The following PTPRK variants were observed in gnomAD, a reference collection of about 807,000 sequenced individuals.
The protein encoded by PTPRK is protein tyrosine phosphatase receptor type K, also known as receptor-type tyrosine-protein phosphatase kappa.
PTPRK carries 75 observed loss-of-function variants against 178.0 expected under a neutral mutation model. The observed-to-expected ratio is 0.42, with a 90% CI of 0.35 to 0.51. The LOEUF (loss-of-function observed/expected upper bound fraction) is 0.51. PTPRK is among the 20% of genes least tolerant of loss of function. The pLI, the probability that PTPRK is intolerant of heterozygous loss-of-function variation, is 0.02. For synonymous variants in PTPRK, 637 were observed against 620.6 expected, an observed-to-expected ratio of 1.03 and a Z score of -0.39; for missense variants, 1,441 against 1,797.8, an observed-to-expected ratio of 0.80 and a Z score of 3.59.
chr6:128,182,535 C>G (rs776662065), intron 7 of PTPRK, among the ~76,000 whole-genome samples: 16 of 152,238 alleles, frequency 1.1e-4, no homozygotes, highest in Admixed American at 9.2e-4. Flanking sequence ...GATCACGCCA[C>G]TGCACTCTAG....
At chr6:128,469,460 T>C (rs1850323837) in intron 1 of PTPRK, among the ~76,000 whole-genome samples, 1 of 152,160 alleles carries the variant, frequency 6.6e-6, no homozygotes, top group African/African-American at 2.4e-5. Context: ...GGAGTAGCTT[T>C]AAAGAGATAT....
chr6:128,079,019 A>T, intron 10 of PTPRK, 101 bp from the exon 11 acceptor site: 3 of 658,790 alleles, frequency 4.6e-6, no homozygotes. Flanking sequence ...AAAAAAATTC[A>T]CCTAATTATC....
At chr6:128,371,138 C>A (rs1472378468) in intron 2 of PTPRK, among the ~76,000 whole-genome samples, 1 of 152,156 alleles carries the variant, frequency 6.6e-6, no homozygotes, top group Admixed American at 6.5e-5. Context: ...ACTCTCACCA[C>A]CCAATCAGCA....
At chr6:128,466,283 T>C (rs917503896) in intron 1 of PTPRK, among the ~76,000 whole-genome samples, 1 of 152,200 alleles carries the variant, frequency 6.6e-6, no homozygotes, top group Non-Finnish European at 1.5e-5. Context: ...AAAAACACAC[T>C]GGATATACAA....
Position 128,297,043 on chromosome 6 carries a change from A to G in PTPRK, c.495+24996T>C, listed in dbSNP as rs567430899. Among the ~76,000 whole-genome samples the G allele has an allele frequency of 2.6e-5, 4 of 151,662 alleles. No homozygotes were observed. In the South Asian group the frequency reaches 8.3e-4, roughly 32 times the overall value. ...GGATGGAGGAAGATCTACCAAGCAA[A>G]TGGAAAACAAAAAAAGGCAGGGGTT... On this transcript the variant is annotated intron_variant, in intron 3 of 29. Transcript: ENST00000368226.
At chr6:128,245,230 T>C (rs891261038) in intron 3 of PTPRK, among the ~76,000 whole-genome samples, 14 of 151,958 alleles carry the variant, frequency 9.2e-5, no homozygotes, top group Non-Finnish European at 2.1e-4. Context: ...TGCCTCTAGG[T>C]TGCTTTTGAA....
chr6:128,297,639 A>G (rs535867644), intron 3 of PTPRK, among the ~76,000 whole-genome samples: 4 of 152,298 alleles, frequency 2.6e-5, no homozygotes, highest in South Asian at 2.1e-4. Context: ...GGTACATAAC[A>G]AAATGAAGGC....
At chr6:128,111,678 C>G (rs1790694630) in intron 7 of PTPRK, among the ~76,000 whole-genome samples, 1 of 151,030 alleles carries the variant, frequency 6.6e-6, no homozygotes, top group Non-Finnish European at 1.5e-5. Context: ...ACCACCCCAT[C>G]TGGCTAACTC....
At chr6:128,339,331 C>T (rs1332783124) in intron 2 of PTPRK, among the ~76,000 whole-genome samples, 4 of 152,128 alleles carry the variant, frequency 2.6e-5, no homozygotes, top group Non-Finnish European at 5.9e-5. Context: ...TAAATTAAAG[C>T]CATTTAATCT....
intron 3 of PTPRK, among the ~76,000 whole-genome samples, chr6:128,300,553 C>T (rs1245407133): frequency 6.6e-6 from 1 of 152,084 alleles, no homozygotes; most frequent in Non-Finnish European, 1.5e-5. Flanking sequence ...AGTTCATGTC[C>T]TTTGTAGGGA....
intron 1 of PTPRK, among the ~76,000 whole-genome samples, chr6:128,479,084 T>C (rs1312544052): frequency 1.3e-5 from 2 of 151,848 alleles, no homozygotes; most frequent in African/African-American, 2.4e-5. Flanking sequence ...TCTACTAGAG[T>C]GTAGCTGGTA....
At chr6:128,052,006 T>TA (rs371044983) in intron 13 of PTPRK, among the ~76,000 whole-genome samples, 3 of 152,188 alleles carry the variant, frequency 2.0e-5, no homozygotes, top group African/African-American at 7.2e-5. Flanking sequence ...TCACAGCAGA[T>TA]ACACACCAAG....
chr6:128,047,288 C>T (rs1225312503), intron 13 of PTPRK, among the ~76,000 whole-genome samples: 1 of 152,122 alleles, frequency 6.6e-6, no homozygotes, highest in African/African-American at 2.4e-5. Context: ...GGACTTATAT[C>T]ATCATTGCTT....
chr6:127,973,585 G>A (rs1008763687), intron 28 of PTPRK, 79 bp downstream of exon 28: 4 of 1,533,238 alleles, frequency 2.6e-6, no homozygotes, highest in Non-Finnish European at 3.5e-6. Flanking sequence ...TAAGATGCAA[G>A]CCAGATAGTC....
chr6:128,023,123 A>C (rs1422570402), intron 13 of PTPRK, among the ~76,000 whole-genome samples: 1 of 152,230 alleles, frequency 6.6e-6, no homozygotes, highest in African/African-American at 2.4e-5. Flanking sequence ...GAGTCAAACC[A>C]AAGGCTAAAA....
chr6:128,336,332 C>A (rs939810016), intron 2 of PTPRK, among the ~76,000 whole-genome samples: 1 of 152,032 alleles, frequency 6.6e-6, no homozygotes, highest in African/African-American at 2.4e-5. Flanking sequence ...AGTTCCCACA[C>A]TAATTTTTTA....
intron 22 of PTPRK, among the ~76,000 whole-genome samples, chr6:127,984,109 T>C (rs9491897): frequency 0.11 from 16,411 of 152,190 alleles, 1,049 homozygotes; most frequent in East Asian, 0.29. Flanking sequence ...TATATTTTAG[T>C]CTTTAATTGG....
At position 128,519,515 on chromosome 6, in the gene PTPRK, C is replaced by A. The variant is rs1020945720; in HGVS notation, c.100+744G>T. 6.6e-6 allele frequency among the ~76,000 whole-genome samples: 1 copy of A among 152,200 alleles called. No homozygotes were observed. The highest frequency in any genetic ancestry group is 1.5e-5 in the Non-Finnish European group (1 of 68,038). On this transcript the variant is annotated intron_variant, in intron 1 of 29. Coordinates refer to ENST00000368226, the MANE Select transcript of PTPRK (RefSeq NM_002844.4). The surrounding 1 kb of genome is among the most constrained non-coding windows in gnomAD (Gnocchi z 4.3). ...TCCGGGGAGCGCGGGGCCAGCCTGG[C>A]GGTGGTTTTGCCCGAGGAGCGGGCT... is the stretch of plus-strand genomic sequence containing the variant.
At chr6:128,016,256 C>T (rs988482750) in intron 13 of PTPRK, among the ~76,000 whole-genome samples, 1 of 151,612 alleles carries the variant, frequency 6.6e-6, no homozygotes, top group African/African-American at 2.4e-5. Context: ...ACAGTTAAAC[C>T]CGAGTGTTTT....
Sources: gnomAD v4.1 joint callset for allele counts (sites outside exome capture counted in the v4.1 genomes callset) on GRCh38, gnomAD v4.1.1 for gene constraint, Gnocchi (gnomAD v3.1) non-coding constraint, MANE v1.5 for transcripts, NCBI Gene and HGNC (gene_info 2026-07-23, HGNC 2026-07-21) for gene names.